Variants in TTC28 observed in about 807,000 individuals in gnomAD.
TTC28 encodes the protein tetratricopeptide repeat domain 28, also known as tetratricopeptide repeat protein 28.
Under a neutral mutation model 198.0 loss-of-function variants are expected in TTC28, and 61 were observed. The ratio of observed to expected loss-of-function variants is 0.31; its 90% CI spans 0.25 to 0.38. The LOEUF (loss-of-function observed/expected upper bound fraction) is 0.38. Ranked by LOEUF, TTC28 falls within the 10% of genes least tolerant of loss-of-function variation. The probability of loss-of-function intolerance (pLI) is 1.00; values close to 1 mark genes in which losing one functional copy is unlikely to be tolerated. For synonymous variants in TTC28, 1,171 were observed against 1,297.8 expected, an observed-to-expected ratio of 0.90 and a Z score of 2.10; for missense variants, 2,678 against 3,164.0, an observed-to-expected ratio of 0.85 and a Z score of 3.69.
chr22:28,075,698 C>G (rs1423259015), intron 12 of TTC28, among the ~76,000 whole-genome samples: 3 of 152,218 alleles, frequency 2.0e-5, no homozygotes, highest in Non-Finnish European at 4.4e-5. Flanking sequence ...TTTCTTTCCT[C>G]CATGCCCTTG....
intron 5 of TTC28, among the ~76,000 whole-genome samples, chr22:28,199,494 C>A (rs1925714728): frequency 7.3e-6 from 1 of 137,338 alleles, no homozygotes; most frequent in Admixed American, 7.5e-5. Context: ...TGCAACAGAG[C>A]AAGACTCTGT....
At chr22:28,116,360 G>C (rs529451638) in intron 6 of TTC28, among the ~76,000 whole-genome samples, 1 of 152,332 alleles carries the variant, frequency 6.6e-6, no homozygotes, top group Non-Finnish European at 1.5e-5. Context: ...ATGAAGTAAG[G>C]GAAGTAATAA....
intron 1 of TTC28, among the ~76,000 whole-genome samples, chr22:28,648,917 GAAAGA>G (rs1218178899): frequency 2.0e-5 from 3 of 147,802 alleles, no homozygotes; most frequent in Non-Finnish European, 3.0e-5. Flanking sequence ...TCAAAAAAAA[GAAAGA>G]AAAGAAAAGG....
chr22:28,201,751 C>CAAAAAAA (rs34790960), intron 5 of TTC28, among the ~76,000 whole-genome samples: 7 of 80,998 alleles, frequency 8.6e-5, no homozygotes, highest in African/African-American at 2.5e-4. Flanking sequence ...TTACAGAAAG[C>CAAAAAAA]AAAAAAAAAA....
At chr22:28,011,026 T>A (rs1938138080) in intron 14 of TTC28, among the ~76,000 whole-genome samples, 1 of 152,134 alleles carries the variant, frequency 6.6e-6, no homozygotes, top group South Asian at 2.1e-4. Context: ...CTGAGTCCAA[T>A]CAGGCACAGC....
At chr22:28,210,239 C>T (rs767253992) in intron 5 of TTC28, among the ~76,000 whole-genome samples, 4 of 152,186 alleles carry the variant, frequency 2.6e-5, no homozygotes, top group East Asian at 1.9e-4. Context: ...CTCTTCTCCA[C>T]CAAAGGAACG....
At chr22:28,525,266 C>T (rs529340503) in intron 2 of TTC28, among the ~76,000 whole-genome samples, 16 of 152,136 alleles carry the variant, frequency 1.1e-4, no homozygotes, top group Non-Finnish European at 2.2e-4. Flanking sequence ...AATCCTCCCA[C>T]CTCAGCCTCT....
At chr22:28,087,661 G>A (rs1406442110) in intron 12 of TTC28, among the ~76,000 whole-genome samples, 1 of 152,136 alleles carries the variant, frequency 6.6e-6, no homozygotes, top group African/African-American at 2.4e-5. Context: ...GTTCTGGCCA[G>A]GGCAATCAGG....
chr22:28,189,354 T>G (rs971840387), intron 5 of TTC28, among the ~76,000 whole-genome samples: 4 of 151,996 alleles, frequency 2.6e-5, no homozygotes, highest in African/African-American at 9.7e-5. Context: ...AGAAGAATAT[T>G]ACTTCAAGGG....
chr22:28,351,887 G>C (rs1022945842), intron 2 of TTC28, among the ~76,000 whole-genome samples: 1 of 152,078 alleles, frequency 6.6e-6, no homozygotes, highest in Non-Finnish European at 1.5e-5. Context: ...AGGGTCCCTG[G>C]GGATTTTTCA....
chr22:28,458,774 G>A (rs755958654), intron 2 of TTC28, among the ~76,000 whole-genome samples: 5 of 151,706 alleles, frequency 3.3e-5, no homozygotes, highest in African/African-American at 4.8e-5. Context: ...CCAGCTACTC[G>A]GGAGGCTGAG....
chr22:28,149,939 T>C (rs1943569293), intron 6 of TTC28, among the ~76,000 whole-genome samples: 1 of 152,244 alleles, frequency 6.6e-6, no homozygotes, highest in Non-Finnish European at 1.5e-5. Context: ...CTGATGAATA[T>C]GTTAATTAGC....
At chr22:28,352,405 A>G (rs1738663016) in intron 2 of TTC28, among the ~76,000 whole-genome samples, 2 of 151,978 alleles carry the variant, frequency 1.3e-5, no homozygotes, top group Admixed American at 6.6e-5. Flanking sequence ...GTGGAAAGGC[A>G]CAGCTCCAAA....
intron 5 of TTC28, among the ~76,000 whole-genome samples, chr22:28,166,125 C>A (rs972102328): frequency 2.0e-5 from 3 of 152,100 alleles, no homozygotes; most frequent in Admixed American, 6.6e-5. Context: ...ACAAGAAGAG[C>A]TATCCTAAAT....
chr22:28,648,985 T>TA lies in TTC28; in HGVS notation c.103-19156dup, dbSNP rs140697579. Among the ~76,000 whole-genome samples the TA allele has an allele frequency of 7.7e-3, 1,176 of 152,120 alleles. 23 individuals are homozygous for TA. The highest frequency in any genetic ancestry group is 0.026 in the African/African-American group (1,086 of 41,516). On this transcript the variant is annotated intron_variant, in intron 1 of 22. Transcript: ENST00000397906. ...AGAAAAGAAAGAAAGGAAAATGTGGTATGTATACACCATGGAATACTACTC... is the reference window on the plus strand; with the variant it reads ...AGAAAAGAAAGAAAGGAAAATGTGGTAATGTATACACCATGGAATACTACTC...
intron 2 of TTC28, among the ~76,000 whole-genome samples, chr22:28,389,096 T>A (rs1569298910): frequency 6.6e-6 from 1 of 152,226 alleles, no homozygotes. Context: ...TCTATTGAGA[T>A]AATCATGTGG....
At chr22:28,369,991 C>T (rs2046306493) in intron 2 of TTC28, among the ~76,000 whole-genome samples, 1 of 152,166 alleles carries the variant, frequency 6.6e-6, no homozygotes, top group Non-Finnish European at 1.5e-5. Context: ...CCAAACCCTG[C>T]CTTATCGCCT....
chr22:28,418,605 G>A (rs896190095), intron 2 of TTC28, among the ~76,000 whole-genome samples: 11 of 152,012 alleles, frequency 7.2e-5, no homozygotes, highest in Non-Finnish European at 1.3e-4. Context: ...GTCAAACATA[G>A]AACAGACAAA....
chr22:28,050,091 C>A (rs1411763452), intron 12 of TTC28, among the ~76,000 whole-genome samples: 1 of 152,060 alleles, frequency 6.6e-6, no homozygotes, highest in African/African-American at 2.4e-5. Flanking sequence ...GGAGGTAGAT[C>A]TTATCTTTGT....
Sources: allele counts gnomAD v4.1 joint callset (sites outside exome capture counted in the v4.1 genomes callset), GRCh38; gene constraint gnomAD v4.1.1; transcripts MANE v1.5; gene names NCBI Gene and HGNC (gene_info 2026-07-23, HGNC 2026-07-21).